Variants in RGPD1 observed in about 807,000 individuals in gnomAD.
RGPD1 encodes RANBP2 like and GRIP domain containing 1, also known as RANBP2-like and GRIP domain-containing protein 1.
A neutral mutation model predicts 40.6 loss-of-function variants in RGPD1; 7 were observed. The ratio of observed to expected loss-of-function variants is 0.17; its 90% confidence interval spans 0.10 to 0.32. The LOEUF (loss-of-function observed/expected upper bound fraction) is 0.32, where lower values mean the gene tolerates loss of function less well. Ranked by LOEUF, RGPD1 falls within the 10% of genes least tolerant of loss-of-function variation. RGPD1 has a pLI of 1.00. For synonymous variants in RGPD1, 24 were observed against 167.0 expected, an observed-to-expected ratio of 0.14 and a Z score of 6.60; for missense variants, 50 against 472.5, an observed-to-expected ratio of 0.11 and a Z score of 8.29.
At chr2:86,942,657 G>T (rs1413719065) in intron 1 of RGPD1, among the ~76,000 whole-genome samples, 1 of 131,216 alleles carries the variant, frequency 7.6e-6, no homozygotes, top group Admixed American at 8.0e-5. Flanking sequence ...CGACCTGGCC[G>T]GGCGGCGGCG....
At chr2:86,928,521 G>GT (rs1157146262) in intron 1 of RGPD1, among the ~76,000 whole-genome samples, 1 of 152,094 alleles carries the variant, frequency 6.6e-6, no homozygotes, top group African/African-American at 2.4e-5. Context: ...TAAATGAATA[G>GT]TAAAAGGAAC....
chr2:86,929,329 C>T (rs1438006131), intron 1 of RGPD1, among the ~76,000 whole-genome samples: 3 of 151,376 alleles, frequency 2.0e-5, no homozygotes, highest in East Asian at 2.0e-4. Context: ...CAGTTCAGAG[C>T]GGCCGGAGAA....
chr2:86,940,945 TTTTTC>T (rs1207332149), upstream of RGPD1, among the ~76,000 whole-genome samples: 11 of 152,196 alleles, frequency 7.2e-5, no homozygotes, highest in African/African-American at 2.2e-4. Flanking sequence ...CAGAATCATC[TTTTTC>T]TTTTCTTTTA....
intron 1 of RGPD1, among the ~76,000 whole-genome samples, chr2:86,930,006 C>G (rs531781998): frequency 1.4e-5 from 2 of 144,020 alleles, no homozygotes; most frequent in African/African-American, 5.0e-5. Flanking sequence ...GCAGTGCACA[C>G]GGGGAGTAGT....
Position 86,988,097 on chromosome 2 carries a change from C to CT in RGPD1, c.4900+305dup, listed in dbSNP as rs1203558730. On this transcript the variant is annotated intron_variant, in intron 20 of 22. Coordinates refer to ENST00000641458, the MANE Select transcript of RGPD1 (RefSeq NM_001382344.1). ...TTGAATCATGCGCATTAACGTGAGTCTTTTTTTAAAGTGTTCATTTTCATT... is the reference window on the plus strand; with the variant it reads ...TTGAATCATGCGCATTAACGTGAGTCTTTTTTTTAAAGTGTTCATTTTCATT... 1.4e-4 allele frequency among the ~76,000 whole-genome samples: 12 copies of CT among 87,948 alleles called. 2 individuals carry two copies. The highest frequency in any genetic ancestry group is 2.3e-4 in the Non-Finnish European group (11 of 48,528). 57.7% of individuals were successfully genotyped at this position (87,948 alleles called of 152,430 possible).
intron 22 of RGPD1, among the ~76,000 whole-genome samples, chr2:87,009,304 CA>C (rs1232188789): frequency 0.25 from 296 of 1,166 alleles, 28 homozygotes; most frequent in East Asian, 0.47. Context: ...GACTCTGTCT[CA>C]AAAAAAAAAA....
upstream of RGPD1, among the ~76,000 whole-genome samples, chr2:86,939,316 G>A (rs1679560591): frequency 6.8e-6 from 1 of 147,046 alleles, no homozygotes; most frequent in Admixed American, 6.7e-5. Flanking sequence ...TGGATGCCGG[G>A]CACCTGTATC....
Position 86,913,914 on chromosome 2 carries a change from C to G in RGPD1, c.65C>G (p.Pro22Arg), listed in dbSNP as rs372910446. The G allele has an allele frequency of 7.9e-5, 121 of 1,529,510 alleles. 2 individuals are homozygous for G. In the African/African-American group the frequency reaches 1.9e-3, roughly 24 times the overall value. 94.7% of individuals were successfully genotyped at this position (1,529,510 alleles called of 1,614,324 possible). A position where few individuals can be genotyped will look rare whatever the true frequency, so the allele number is the denominator to read the frequency against. ...TCGGTGCAGGGCTCCGCCCCGTCGC[C>G]TGGAAAGGTGAGTGGATCTCGAAGA... Residue 22 changes from proline (P) to arginine (R), a missense_variant, in exon 1 of 23, where the codon CCT becomes CGT. Transcript: ENST00000398193.
At chr2:86,942,813 G>A (rs1419994178) in intron 1 of RGPD1, among the ~76,000 whole-genome samples, 25 of 151,978 alleles carry the variant, frequency 1.6e-4, no homozygotes, top group Admixed American at 1.6e-3. Flanking sequence ...TGTGGGCGGC[G>A]TGGCGCTTGC....
chr2:86,923,119 A>G (rs1178425647), intron 1 of RGPD1, among the ~76,000 whole-genome samples: 2 of 138,228 alleles, frequency 1.4e-5, no homozygotes, highest in African/African-American at 2.8e-5. Context: ...GCTCACTGCA[A>G]TCTCCGCCTC....
intron 1 of RGPD1, among the ~76,000 whole-genome samples, chr2:86,924,400 C>T (rs1678301438): frequency 6.6e-6 from 1 of 150,528 alleles, no homozygotes; most frequent in Non-Finnish European, 1.5e-5. Context: ...AATAATCCGC[C>T]CATGTTGACC....
At chr2:86,956,493 TGAG>T (rs1194761307) in intron 4 of RGPD1, among the ~76,000 whole-genome samples, 3 of 103,298 alleles carry the variant, frequency 2.9e-5, no homozygotes, top group Non-Finnish European at 5.5e-5. Flanking sequence ...ATGGGGAAGT[TGAG>T]GAAATAGGAG....
At chr2:86,920,271 T>C (rs1445096192) in intron 1 of RGPD1, among the ~76,000 whole-genome samples, 57 of 151,582 alleles carry the variant, frequency 3.8e-4, no homozygotes, top group South Asian at 1.3e-3. Flanking sequence ...GGTTTTGCCA[T>C]GTGGGCTATG....
intron 22 of RGPD1, among the ~76,000 whole-genome samples, chr2:87,008,956 G>T (rs990553571): frequency 1.4e-5 from 2 of 143,670 alleles, no homozygotes; most frequent in Admixed American, 6.9e-5. Flanking sequence ...AGAACTGTGA[G>T]ACAATTACAA....
At chr2:86,939,335 T>C (rs1004230344), upstream of RGPD1, among the ~76,000 whole-genome samples, 1 of 147,790 alleles carries the variant, frequency 6.8e-6, no homozygotes, top group African/African-American at 2.6e-5. Flanking sequence ...TCCGAGCACT[T>C]TGGGAGGCTG....
upstream of RGPD1, among the ~76,000 whole-genome samples, chr2:86,941,911 C>T (rs1296573819): frequency 1.3e-5 from 2 of 151,836 alleles, no homozygotes; most frequent in Non-Finnish European, 2.9e-5. Context: ...GGGTTTTCGC[C>T]ATGTTGGCCA....
intron 1 of RGPD1, chr2:86,913,979 TGGCCG>T (rs1677572853): frequency 9.4e-7 from 1 of 1,069,344 alleles, no homozygotes; most frequent in Non-Finnish European, 1.2e-6. Flanking sequence ...GGCCTCGACC[TGGCCG>T]GGCGGCGGCG....
rs1482548111 is a variant in RGPD1 at position 86,942,448 on chromosome 2, G to T, written c.72+140G>T. 5.3e-6 allele frequency: 4 copies of T among 751,100 alleles called. 1 individual carries two copies. Among genetic ancestry groups the T allele is most frequent in the Non-Finnish European group, 7.0e-6 (4 of 572,798 alleles). 46.5% of individuals were successfully genotyped at this position (751,100 alleles called of 1,614,324 possible). A position where few individuals can be genotyped will look rare whatever the true frequency, so the allele number is the denominator to read the frequency against. Reference sequence around the variant, plus strand: ...GGCTCCCGACGGGCGCTGCTCCCTGGCGCGCTCTGTTGAGGCGCCGGCCTC... The same window carrying T: ...GGCTCCCGACGGGCGCTGCTCCCTGTCGCGCTCTGTTGAGGCGCCGGCCTC... On this transcript the variant is annotated intron_variant, in intron 1 of 22. Coordinates refer to ENST00000641458, the MANE Select transcript of RGPD1 (RefSeq NM_001382344.1).
intron 1 of RGPD1, among the ~76,000 whole-genome samples, chr2:86,931,994 T>C (rs1269980285): frequency 6.7e-6 from 1 of 148,580 alleles, no homozygotes; most frequent in African/African-American, 2.4e-5. Flanking sequence ...ATATTATATA[T>C]ATATGTCTAT....
Sources: allele counts gnomAD v4.1 joint callset (sites outside exome capture counted in the v4.1 genomes callset), GRCh38; gene constraint gnomAD v4.1.1; transcripts MANE v1.5; gene names NCBI Gene and HGNC (gene_info 2026-07-23, HGNC 2026-07-21).